Variants in RFX3 observed in about 807,000 individuals in gnomAD.
RFX3 encodes the protein regulatory factor X3, also known as transcription factor RFX3.
A neutral mutation model predicts 98.6 loss-of-function variants in RFX3; 14 were observed. The observed-to-expected ratio is 0.14, with a 90% CI of 0.09 to 0.22. RFX3 has a LOEUF of 0.22. Among genes scored for constraint, RFX3 ranks in the 10% least tolerant of loss-of-function variants. RFX3 has a pLI of 1.00. For synonymous variants in RFX3, 383 were observed against 328.4 expected (o/e 1.17, Z -1.80); for missense variants, 639 against 926.9 (o/e 0.69, Z 4.03).
chr9:3,483,386 A>C (rs375594889), intron 1 of RFX3, among the ~76,000 whole-genome samples: 65 of 152,288 alleles, frequency 4.3e-4, no homozygotes, highest in African/African-American at 1.3e-3. Context: ...TTTCTTGCTC[A>C]ATGTTGTATT....
chr9:3,281,533 G>A (rs548806992), intron 7 of RFX3, among the ~76,000 whole-genome samples: 166 of 151,826 alleles, frequency 1.1e-3, no homozygotes, highest in Admixed American at 2.7e-3. Context: ...TGTGCTCTGA[G>A]AAAGACCTGT....
chr9:3,479,887 T>C (rs1849596093), intron 1 of RFX3, among the ~76,000 whole-genome samples: 2 of 152,178 alleles, frequency 1.3e-5, no homozygotes, highest in African/African-American at 4.8e-5. Context: ...TTACCTCAGA[T>C]TCACCCAAGT....
chr9:3,457,841 C>T (rs541593167), intron 1 of RFX3, among the ~76,000 whole-genome samples: 32 of 152,038 alleles, frequency 2.1e-4, no homozygotes, highest in Admixed American at 1.0e-3. Flanking sequence ...TACAAAGATG[C>T]CTGAGATCTA....
intron 1 of RFX3, among the ~76,000 whole-genome samples, chr9:3,411,317 C>T (rs531479538): frequency 1.3e-5 from 2 of 152,084 alleles, no homozygotes; most frequent in South Asian, 4.1e-4. Flanking sequence ...CGCTCTGTGT[C>T]TTTCTTTCCC....
chr9:3,320,007 G>C (rs1358297393), intron 4 of RFX3, among the ~76,000 whole-genome samples: 1 of 152,122 alleles, frequency 6.6e-6, no homozygotes, highest in Non-Finnish European at 1.5e-5. Context: ...TCTAATAAAT[G>C]AGGACTTTAT....
At chr9:3,257,262 G>GCA (rs2131118630) in intron 13 of RFX3, 63 bp from the exon 14 acceptor site, 1 of 1,342,796 alleles carries the variant, frequency 7.4e-7, no homozygotes, top group Non-Finnish European at 1.1e-6. Flanking sequence ...TTGAATGCCA[G>GCA]CACACACACT....
intron 1 of RFX3, among the ~76,000 whole-genome samples, chr9:3,478,773 G>A (rs1301545370): frequency 6.6e-6 from 1 of 152,048 alleles, no homozygotes; most frequent in Non-Finnish European, 1.5e-5. Context: ...CCCTATAGTT[G>A]GCTAGTTCTC....
At chr9:3,484,734 T>C (rs1850098594) in intron 1 of RFX3, among the ~76,000 whole-genome samples, 1 of 152,156 alleles carries the variant, frequency 6.6e-6, no homozygotes, top group African/African-American at 2.4e-5. Context: ...CCTAAGGTAA[T>C]AAAGCAATTA....
chr9:3,297,582 C>T (rs2129896152), intron 5 of RFX3, among the ~76,000 whole-genome samples: 1 of 152,026 alleles, frequency 6.6e-6, no homozygotes, highest in Admixed American at 6.6e-5. Flanking sequence ...TGGATTATTA[C>T]CCATCAGGAT....
chr9:3,492,051 T>G (rs1850761868), intron 1 of RFX3, among the ~76,000 whole-genome samples: 1 of 152,202 alleles, frequency 6.6e-6, no homozygotes, highest in South Asian at 2.1e-4. Flanking sequence ...CTGGCACAAC[T>G]ATTCAAAATA....
Position 3,330,316 on chromosome 9 carries a change from G to C in RFX3, c.417C>G (p.Asn139Lys). 6.2e-7 allele frequency: 1 copy of C among 1,614,132 alleles called. No homozygotes were observed. Among genetic ancestry groups the C allele is most frequent in the Non-Finnish European group, 8.5e-7 (1 of 1,180,008 alleles). Residue 139 changes from asparagine to lysine, a missense_variant, in exon 4 of 17, where the codon AAC (asparagine) becomes AAG (lysine). By Grantham distance (94) the Asn-to-Lys change is moderately conservative. Transcript: ENST00000617270. ...SSSGGTYLIG[N>K]SMENSGHSVT... ...CTGAGTGACCAGAATTCTCCATTGA[G>C]TTGCCGATCAGATAGGTTCCTCCAG...
chr9:3,239,076 T>C (rs891115273), intron 15 of RFX3, among the ~76,000 whole-genome samples: 10 of 151,994 alleles, frequency 6.6e-5, no homozygotes, highest in Admixed American at 5.2e-4. Flanking sequence ...ATGTTTTTGA[T>C]GGTGAAAAGA....
intron 1 of RFX3, among the ~76,000 whole-genome samples, chr9:3,408,612 TCACA>T (rs373554738): frequency 2.7e-4 from 40 of 147,788 alleles, no homozygotes; most frequent in Middle Eastern, 3.5e-3. Flanking sequence ...TCTCTCTCTC[TCACA>T]CACACACACA....
chr9:3,371,314 C>T (rs1837815855), intron 2 of RFX3, among the ~76,000 whole-genome samples: 1 of 152,134 alleles, frequency 6.6e-6, no homozygotes, highest in African/African-American at 2.4e-5. Flanking sequence ...CAACCAATTC[C>T]ATTTCTTTAG....
intron 1 of RFX3, among the ~76,000 whole-genome samples, chr9:3,501,983 G>T (rs1157050831): frequency 6.6e-6 from 1 of 151,852 alleles, no homozygotes; most frequent in East Asian, 1.9e-4. Context: ...CAGGCGCGGT[G>T]GCTCACGCCT....
intron 14 of RFX3, among the ~76,000 whole-genome samples, chr9:3,250,139 C>T (rs1821192238): frequency 6.6e-6 from 1 of 151,518 alleles, no homozygotes; most frequent in Admixed American, 6.6e-5. Flanking sequence ...AATTTTAAAG[C>T]AGTGAATCAC....
chr9:3,417,061 C>A (rs1473152748), intron 1 of RFX3, among the ~76,000 whole-genome samples: 1 of 151,428 alleles, frequency 6.6e-6, no homozygotes, highest in Non-Finnish European at 1.5e-5. Flanking sequence ...ATATTAATAT[C>A]AAAGGAAATT....
intron 4 of RFX3, among the ~76,000 whole-genome samples, chr9:3,308,551 C>A (rs1193240906): frequency 6.6e-6 from 1 of 152,150 alleles, no homozygotes; most frequent in African/African-American, 2.4e-5. Flanking sequence ...TAAACTTCCA[C>A]ATTACATGCC....
chr9:3,502,621 T>A (rs1356399339), intron 1 of RFX3, among the ~76,000 whole-genome samples: 2 of 152,204 alleles, frequency 1.3e-5, no homozygotes, highest in Non-Finnish European at 2.9e-5. Context: ...CAACTCTAAA[T>A]CTAACATCAG....
Sources: gnomAD v4.1 joint callset for allele counts (sites outside exome capture counted in the v4.1 genomes callset) on GRCh38, gnomAD v4.1.1 for gene constraint, MANE v1.5 for transcripts, NCBI Gene and HGNC (gene_info 2026-07-23, HGNC 2026-07-21) for gene names.